Variants in SRGAP2C observed in about 807,000 individuals in gnomAD.
SRGAP2C encodes the protein SLIT-ROBO Rho GTPase activating protein 2C, also known as SLIT-ROBO Rho GTPase-activating protein 2C.
Under a neutral mutation model 25.1 loss-of-function variants are expected in SRGAP2C, and 15 were observed. The observed-to-expected ratio is 0.60, with a 90% CI of 0.40 to 0.92. SRGAP2C has a LOEUF of 0.92. Ranked by LOEUF, SRGAP2C falls within the 40% of genes least tolerant of loss-of-function variation. The pLI is 0.00. For missense variants in SRGAP2C, 144 were observed against 264.4 expected, an observed-to-expected ratio of 0.54 and a Z score of 3.16; for synonymous variants, 44 against 96.6, an observed-to-expected ratio of 0.46 and a Z score of 3.19.
chr1:121,264,614 G>T (rs1656718798), intron 2 of SRGAP2C, among the ~76,000 whole-genome samples: 1 of 149,690 alleles, frequency 6.7e-6, no homozygotes, highest in South Asian at 2.1e-4. Flanking sequence ...TGAACATGCT[G>T]TTGGCTGGAG....
At chr1:121,357,150 C>T (rs1403962061) in intron 4 of SRGAP2C, among the ~76,000 whole-genome samples, 6 of 135,340 alleles carry the variant, frequency 4.4e-5, no homozygotes, top group African/African-American at 5.8e-5. Flanking sequence ...GGGCCACTAG[C>T]ATTACTTGTG....
chr1:121,239,267 C>CTA (rs1217356416), intron 2 of SRGAP2C, among the ~76,000 whole-genome samples: 684 of 2,112 alleles, frequency 0.32, 261 homozygotes, highest in Middle Eastern at 1. Flanking sequence ...TATATATATA[C>CTA]TATATATATA....
At chr1:121,195,281 G>A (rs1298532826) in intron 2 of SRGAP2C, among the ~76,000 whole-genome samples, 2 of 151,912 alleles carry the variant, frequency 1.3e-5, no homozygotes, top group African/African-American at 4.8e-5. Flanking sequence ...GTGGTGGTGG[G>A]TGCCTGTAAT....
In SRGAP2C at chr1:121,335,391, A is replaced by AAATCAAT. The variant is rs1658492086; in HGVS notation, c.423+10751_423+10752insAATCAAT. Among the ~76,000 whole-genome samples, 91 of 135,398 alleles carry AAATCAAT rather than the reference A, an allele frequency of 6.7e-4. 1 individual carries two copies. Among genetic ancestry groups the AAATCAAT allele is most frequent in the Admixed American group, 1.2e-3 (16 of 13,408 alleles). The allele number at this position is 135,398 out of a possible 152,430, so 88.8% of individuals were successfully genotyped here. A position where few individuals can be genotyped will look rare whatever the true frequency, so the allele number is the denominator to read the frequency against. ...ATAAATAAATAAATAAATAAATAAA[A>AAATCAAT]CAACCAATTCTTTCTTTTGTTCACC... On this transcript the variant is annotated intron_variant, in intron 4 of 9. Coordinates refer to ENST00000367123, the MANE Select transcript of SRGAP2C (RefSeq NM_001329984.2).
At chr1:121,357,218 T>G (rs1395026261) in intron 4 of SRGAP2C, among the ~76,000 whole-genome samples, 14 of 140,964 alleles carry the variant, frequency 9.9e-5, no homozygotes, top group Non-Finnish European at 2.0e-4. Context: ...CGTAAGGAAA[T>G]GGCTTTCAGA....
At chr1:121,298,166 A>T (rs1277085878) in intron 3 of SRGAP2C, among the ~76,000 whole-genome samples, 13 of 144,678 alleles carry the variant, frequency 9.0e-5, no homozygotes, top group African/African-American at 3.1e-4. Context: ...GTCAGTCCCT[A>T]TAAAAACTCA....
intron 3 of SRGAP2C, among the ~76,000 whole-genome samples, chr1:121,289,314 G>A (rs1313457437): frequency 4.7e-5 from 7 of 148,390 alleles, no homozygotes; most frequent in Admixed American, 4.7e-4. Flanking sequence ...CACTGCTGGG[G>A]GACTCAGTAC....
chr1:121,306,571 T>C (rs1553339436), intron 3 of SRGAP2C, among the ~76,000 whole-genome samples: 3 of 144,926 alleles, frequency 2.1e-5, no homozygotes, highest in Non-Finnish European at 4.5e-5. Context: ...CCTTGAGGGA[T>C]AGGCTTCTAG....
chr1:121,271,504 A>T (rs1656959179), intron 2 of SRGAP2C, among the ~76,000 whole-genome samples: 1 of 151,912 alleles, frequency 6.6e-6, no homozygotes, highest in East Asian at 1.9e-4. Context: ...GCCCTTTCTG[A>T]TTTAATAATA....
rs1436061287 is a variant in SRGAP2C, at chr1:121,335,343, A to T, written c.423+10703A>T. Among the ~76,000 whole-genome samples the T allele has an allele frequency of 8.6e-3, 937 of 109,498 alleles. 18 individuals carry two copies. The highest frequency in any genetic ancestry group is 0.036 in the African/African-American group (864 of 24,238). 71.8% of individuals were successfully genotyped at this position (109,498 alleles called of 152,430 possible). A position where few individuals can be genotyped will look rare whatever the true frequency, so the allele number is the denominator to read the frequency against. The stretch of plus-strand genomic sequence containing the variant: ...GAGACAGAGCAAGACTCCATCTCAA[A>T]AAATAAATAAATAAATAAATAAATA... On this transcript the variant is annotated intron_variant, in intron 4 of 9. Coordinates refer to ENST00000367123, the MANE Select transcript of SRGAP2C (RefSeq NM_001329984.2).
rs1346333316 is a variant in SRGAP2C, at chr1:121,300,554, CA to C, written c.260+15560del. On this transcript the variant is annotated intron_variant, in intron 3 of 9. Transcript: ENST00000367123. ...TTTCAACATGAGATTTGGGGGGGGA[CA>C]GACATCCAAACCATATCACATAGGA... Among the ~76,000 whole-genome samples, 26 of 71,306 alleles carry C rather than the reference CA, an allele frequency of 3.6e-4. 1 individual carries two copies. The highest frequency in any genetic ancestry group is 1.5e-3 in the African/African-American group (26 of 17,046). 46.8% of individuals were successfully genotyped at this position (71,306 alleles called of 152,430 possible). A position where few individuals can be genotyped will look rare whatever the true frequency, so the allele number is the denominator to read the frequency against.
chr1:121,265,198 C>CA (rs1161692715), intron 2 of SRGAP2C, among the ~76,000 whole-genome samples: 12 of 122,998 alleles, frequency 9.8e-5, no homozygotes, highest in East Asian at 4.5e-4. Flanking sequence ...GACTCTGTCT[C>CA]AAAAAAAAAA....
At chr1:121,201,808 T>C (rs1570700408) in intron 2 of SRGAP2C, among the ~76,000 whole-genome samples, 1 of 152,290 alleles carries the variant, frequency 6.6e-6, no homozygotes, top group African/African-American at 2.4e-5. Flanking sequence ...TCCGATAACG[T>C]TAGGAGCAGC....
At chr1:121,362,967 T>C (rs1659236157) in intron 4 of SRGAP2C, 1 of 129,756 alleles carries the variant, frequency 7.7e-6, no homozygotes, top group Admixed American at 8.0e-5. Flanking sequence ...CGAGGAGAAC[T>C]TGCTCATTAT....
At chr1:121,279,930 C>T (rs1482493523) in intron 2 of SRGAP2C, among the ~76,000 whole-genome samples, 2 of 149,658 alleles carry the variant, frequency 1.3e-5, no homozygotes, top group Admixed American at 6.7e-5. Context: ...CTCCTTTTGG[C>T]TCCTGTTTGT....
At chr1:121,237,458 A>G (rs1268142524) in intron 2 of SRGAP2C, among the ~76,000 whole-genome samples, 1 of 152,196 alleles carries the variant, frequency 6.6e-6, no homozygotes, top group Non-Finnish European at 1.5e-5. Context: ...CTTACACTTC[A>G]TTGTATCAAC....
At chr1:121,265,255 G>A (rs1656744255) in intron 2 of SRGAP2C, among the ~76,000 whole-genome samples, 1 of 133,500 alleles carries the variant, frequency 7.5e-6, no homozygotes, top group Admixed American at 7.6e-5. Flanking sequence ...ACCCCCTCAG[G>A]AATTTAAAAA....
intron 3 of SRGAP2C, among the ~76,000 whole-genome samples, chr1:121,298,284 C>T (rs1184597150): frequency 1.3e-5 from 2 of 152,162 alleles, no homozygotes; most frequent in Non-Finnish European, 2.9e-5. Flanking sequence ...CATACAACCA[C>T]TCTCTGATTT....
intron 2 of SRGAP2C, among the ~76,000 whole-genome samples, chr1:121,239,267 C>CTATA (rs1217356416): frequency 4.7e-4 from 1 of 2,126 alleles, no homozygotes; most frequent in Non-Finnish European, 6.0e-4. Flanking sequence ...TATATATATA[C>CTATA]TATATATATA....
Sources: allele counts gnomAD v4.1 joint callset (sites outside exome capture counted in the v4.1 genomes callset), GRCh38; gene constraint gnomAD v4.1.1; transcripts MANE v1.5; gene names NCBI Gene and HGNC (gene_info 2026-07-23, HGNC 2026-07-21).